Variants in PARD3 observed in about 807,000 individuals in gnomAD.
The protein encoded by PARD3 is partitioning defective 3 homolog.
PARD3 carries 75 observed loss-of-function variants against 155.4 expected under a neutral mutation model. The observed-to-expected ratio is 0.48, with a 90% CI of 0.40 to 0.58. The LOEUF is 0.58. PARD3 is among the 20% of genes least tolerant of loss of function. The pLI is 0.00. For missense variants in PARD3, 1,642 were observed against 1,721.7 expected, an observed-to-expected ratio of 0.95 and a Z score of 0.82; for synonymous variants, 576 against 610.5, an observed-to-expected ratio of 0.94 and a Z score of 0.83.
intron 2 of PARD3, among the ~76,000 whole-genome samples, chr10:34,637,277 T>C (rs2092511753): frequency 6.6e-6 from 1 of 152,222 alleles, no homozygotes; most frequent in Admixed American, 6.5e-5. Context: ...AAAGCCAGCA[T>C]GCAAGCTTTT....
At chr10:34,800,023 G>A (rs970218954) in intron 1 of PARD3, among the ~76,000 whole-genome samples, 1 of 151,978 alleles carries the variant, frequency 6.6e-6, no homozygotes. Context: ...CCAGCTACTC[G>A]GGAGGCTGAG....
At chr10:34,567,984 T>C (rs2086093213) in intron 2 of PARD3, among the ~76,000 whole-genome samples, 1 of 151,682 alleles carries the variant, frequency 6.6e-6, no homozygotes, top group Non-Finnish European at 1.5e-5. Flanking sequence ...AATGGGATAA[T>C]GACTGCTCAT....
intron 2 of PARD3, among the ~76,000 whole-genome samples, chr10:34,594,944 G>C (rs1444399897): frequency 6.6e-6 from 1 of 152,190 alleles, no homozygotes; most frequent in Non-Finnish European, 1.5e-5. Context: ...GTTTCTCCAT[G>C]TAGCACCTTG....
At chr10:34,471,159 T>C (rs945422295) in intron 3 of PARD3, among the ~76,000 whole-genome samples, 59 of 152,186 alleles carry the variant, frequency 3.9e-4, no homozygotes, top group Non-Finnish European at 2.1e-4. Context: ...CTCAAAGTAA[T>C]ATGTTAATCT....
intron 5 of PARD3, among the ~76,000 whole-genome samples, chr10:34,440,410 G>A (rs1408723665): frequency 1.3e-5 from 2 of 152,148 alleles, no homozygotes; most frequent in African/African-American, 4.8e-5. Flanking sequence ...TTCCATTGTC[G>A]TATTTAATCA....
intron 22 of PARD3, among the ~76,000 whole-genome samples, chr10:34,218,946 CA>C: frequency 6.6e-6 from 1 of 152,244 alleles, no homozygotes; most frequent in Non-Finnish European, 1.5e-5. Flanking sequence ...GTCCATCAAC[CA>C]AAACCGAATA....
At chr10:34,259,543 C>A (rs1954844000) in intron 22 of PARD3, among the ~76,000 whole-genome samples, 1 of 152,072 alleles carries the variant, frequency 6.6e-6, no homozygotes, top group African/African-American at 2.4e-5. Context: ...TTACACTGGG[C>A]CCAAAAGGAT....
intron 1 of PARD3, among the ~76,000 whole-genome samples, chr10:34,723,814 A>G (rs1347173539): frequency 6.6e-6 from 1 of 152,168 alleles, no homozygotes; most frequent in South Asian, 2.1e-4. Flanking sequence ...CACCGCAGGG[A>G]TGCAGGACCA....
At chr10:34,602,498 A>C (rs1175134014) in intron 2 of PARD3, among the ~76,000 whole-genome samples, 1 of 152,214 alleles carries the variant, frequency 6.6e-6, no homozygotes, top group Non-Finnish European at 1.5e-5. Context: ...CACTGATAAG[A>C]AACAGCCCCA....
intron 1 of PARD3, among the ~76,000 whole-genome samples, chr10:34,764,335 G>A (rs988354126): frequency 2.0e-5 from 3 of 152,146 alleles, no homozygotes; most frequent in African/African-American, 4.8e-5. Flanking sequence ...GTTATGGCCC[G>A]CCTACGTACT....
intron 1 of PARD3, among the ~76,000 whole-genome samples, chr10:34,710,174 A>T (rs2094430402): frequency 6.6e-6 from 1 of 152,198 alleles, no homozygotes; most frequent in South Asian, 2.1e-4. Flanking sequence ...ATACACGTAA[A>T]AACAGGAAAC....
chr10:34,252,123 G>A (rs188547113), intron 22 of PARD3, among the ~76,000 whole-genome samples: 15 of 152,276 alleles, frequency 9.9e-5, no homozygotes, highest in Admixed American at 5.2e-4. Context: ...CTGGGGAGGG[G>A]GAGGGGAGAG....
At chr10:34,591,746 A>C (rs1454574259) in intron 2 of PARD3, among the ~76,000 whole-genome samples, 1 of 152,184 alleles carries the variant, frequency 6.6e-6, no homozygotes, top group Non-Finnish European at 1.5e-5. Flanking sequence ...ACTCCGTATG[A>C]CCATTGTGTT....
chr10:34,813,618 A>G (rs1844495324), intron 1 of PARD3, among the ~76,000 whole-genome samples: 1 of 152,182 alleles, frequency 6.6e-6, no homozygotes, highest in South Asian at 2.1e-4. Flanking sequence ...TAAAAGGCCA[A>G]ATTTATGCTA....
rs183132476 is a variant in PARD3, at chr10:34,122,739, T to C, written c.3541-2999A>G. ...ACTAAATAAGTTCATCCCGGCAAGTTTGACACTTGACCTGAATAAAAATCA... is the reference window on the plus strand; with the variant it reads ...ACTAAATAAGTTCATCCCGGCAAGTCTGACACTTGACCTGAATAAAAATCA... On this transcript the variant is annotated intron_variant, in intron 23 of 24. Coordinates refer to ENST00000374788, the MANE Select transcript of PARD3 (RefSeq NM_001184785.2). Among the ~76,000 whole-genome samples the C allele has an allele frequency of 9.7e-4, 147 of 152,314 alleles. 2 individuals are homozygous for C. The highest frequency in any genetic ancestry group is 3.2e-3 in the African/African-American group (135 of 41,568).
At chr10:34,368,442 G>C (rs566153628) in intron 12 of PARD3, among the ~76,000 whole-genome samples, 1 of 152,206 alleles carries the variant, frequency 6.6e-6, no homozygotes, top group East Asian at 1.9e-4. Flanking sequence ...GGAGGCCGAG[G>C]CAGGTGGATC....
chr10:34,633,414 G>T (rs918398236), intron 2 of PARD3, among the ~76,000 whole-genome samples: 1 of 150,480 alleles, frequency 6.6e-6, no homozygotes, highest in Non-Finnish European at 1.5e-5. Context: ...AATGGTTTCA[G>T]ATTCTGCGTA....
At chr10:34,741,691 A>G (rs1234071417) in intron 1 of PARD3, among the ~76,000 whole-genome samples, 1 of 152,288 alleles carries the variant, frequency 6.6e-6, no homozygotes, top group South Asian at 2.1e-4. Context: ...TGCCACTGTG[A>G]TACCTGCTTC....
intron 2 of PARD3, among the ~76,000 whole-genome samples, chr10:34,559,840 C>T (rs970368706): frequency 5.9e-5 from 9 of 152,166 alleles, no homozygotes; most frequent in Non-Finnish European, 1.3e-4. Flanking sequence ...GAGGCTTTGG[C>T]TGTTACCACT....
Sources: allele counts gnomAD v4.1 joint callset (sites outside exome capture counted in the v4.1 genomes callset), GRCh38; gene constraint gnomAD v4.1.1; transcripts MANE v1.5; gene names NCBI Gene and HGNC (gene_info 2026-07-23, HGNC 2026-07-21).